HERC3: variants seen among roughly 807,000 people sequenced by gnomAD.
HERC3 encodes probable E3 ubiquitin-protein ligase HERC3.
A neutral mutation model predicts 129.9 loss-of-function variants in HERC3; 58 were observed. The observed-to-expected ratio is 0.45, with a 90% confidence interval of 0.36 to 0.56. The LOEUF is 0.56. HERC3 is among the 20% of genes least tolerant of loss of function. HERC3 has a pLI of 0.00. For missense variants in HERC3, 835 were observed against 1,244.2 expected, an observed-to-expected ratio of 0.67 and a Z score of 4.95; for synonymous variants, 430 against 451.0, an observed-to-expected ratio of 0.95 and a Z score of 0.59.
At chr4:88,599,458 C>G (rs1722750591) in intron 2 of HERC3, among the ~76,000 whole-genome samples, 1 of 152,004 alleles carries the variant, frequency 6.6e-6, no homozygotes, top group Non-Finnish European at 1.5e-5. Context: ...TTTTCTTGAA[C>G]AATAGTCCTT....
chr4:88,681,410 C>T, intron 21 of HERC3, 85 bp downstream of exon 21: 1 of 1,189,064 alleles, frequency 8.4e-7, no homozygotes, highest in Non-Finnish European at 1.2e-6. Context: ...ACCATCTGTA[C>T]AAATCTGAGT....
upstream of HERC3, among the ~76,000 whole-genome samples, chr4:88,590,286 CG>C (rs1694053138): frequency 6.6e-6 from 1 of 150,996 alleles, no homozygotes; most frequent in Non-Finnish European, 1.5e-5. Context: ...AAACTCCGGG[CG>C]CGGTGGCTCA....
intron 23 of HERC3, chr4:88,690,187 A>G (rs539237412): frequency 6.1e-6 from 6 of 983,716 alleles, no homozygotes; most frequent in African/African-American, 5.2e-5. Context: ...AGTTTCCTTT[A>G]TATAACATTG....
chr4:88,677,482 C>G (rs1044271207), intron 18 of HERC3, among the ~76,000 whole-genome samples: 4 of 152,016 alleles, frequency 2.6e-5, no homozygotes, highest in Admixed American at 6.6e-5. Flanking sequence ...CTGTCTCTTT[C>G]CAGCTCGACT....
chr4:88,556,624 T>G, the HERC3 span, among the ~76,000 whole-genome samples: 2 of 152,168 alleles, frequency 1.3e-5, no homozygotes, highest in Non-Finnish European at 2.9e-5. Context: ...TTACTTGCAC[T>G]CAGTCCTAAT....
the HERC3 span, among the ~76,000 whole-genome samples, chr4:88,536,941 A>C: frequency 2.5e-3 from 387 of 152,360 alleles, 4 homozygotes; most frequent in African/African-American, 8.7e-3. Context: ...TTATAAAAAT[A>C]CGACCAAGAA....
chr4:88,647,945 C>G (rs1728874748), intron 3 of HERC3, among the ~76,000 whole-genome samples: 1 of 151,842 alleles, frequency 6.6e-6, no homozygotes, highest in African/African-American at 2.4e-5. Flanking sequence ...ATATTCTCTA[C>G]CTACCCTCTC....
chr4:88,706,257 T>A (rs1735769638), intron 25 of HERC3, among the ~76,000 whole-genome samples: 1 of 152,212 alleles, frequency 6.6e-6, no homozygotes, highest in South Asian at 2.1e-4. Context: ...TCTGTCTGTC[T>A]CCCTCTCTCT....
chr4:88,531,639 G>A, the HERC3 span, among the ~76,000 whole-genome samples: 4 of 152,024 alleles, frequency 2.6e-5, no homozygotes, highest in African/African-American at 4.8e-5. Flanking sequence ...TGAAGAAGTT[G>A]GAAAACGAAC....
intron 3 of HERC3, among the ~76,000 whole-genome samples, chr4:88,613,172 A>T (rs920474810): frequency 4.6e-5 from 7 of 152,336 alleles, no homozygotes; most frequent in Admixed American, 3.9e-4. Context: ...GCAGTTATTT[A>T]GTGTAATCTA....
the HERC3 span, among the ~76,000 whole-genome samples, chr4:88,576,130 G>T: frequency 2.0e-5 from 3 of 152,036 alleles, no homozygotes; most frequent in African/African-American, 7.2e-5. Flanking sequence ...CTTCAAATTA[G>T]CTCTTGACTC....
intron 19 of HERC3, among the ~76,000 whole-genome samples, chr4:88,679,674 T>C (rs143966978): frequency 0.013 from 2,032 of 152,102 alleles, 44 homozygotes; most frequent in African/African-American, 0.047. Context: ...CCCACCACCA[T>C]GCCAGGCTCA....
chr4:88,666,136 A>C (rs1731024401), intron 12 of HERC3, among the ~76,000 whole-genome samples: 1 of 152,208 alleles, frequency 6.6e-6, no homozygotes. Flanking sequence ...ACATTTGGGA[A>C]GGGCTCTTGG....
chr4:88,590,386 C>T (rs1409647307), upstream of HERC3, among the ~76,000 whole-genome samples: 1 of 152,110 alleles, frequency 6.6e-6, no homozygotes, highest in Admixed American at 6.5e-5. Flanking sequence ...TGGTGAAACC[C>T]CGTCTCTACT....
chr4:88,599,009 G>T (rs1722701009), intron 2 of HERC3, among the ~76,000 whole-genome samples: 1 of 152,166 alleles, frequency 6.6e-6, no homozygotes, highest in Non-Finnish European at 1.5e-5. Context: ...TGTGTATTTT[G>T]AAGGAAAATA....
intron 12 of HERC3, among the ~76,000 whole-genome samples, chr4:88,665,638 A>G (rs1260559977): frequency 6.6e-6 from 1 of 152,146 alleles, no homozygotes; most frequent in African/African-American, 2.4e-5. Flanking sequence ...TTTACCAGCT[A>G]TCTGGGTATT....
chr4:88,591,132 A>G (rs1166443720), upstream of HERC3, among the ~76,000 whole-genome samples: 1 of 151,956 alleles, frequency 6.6e-6, no homozygotes, highest in East Asian at 1.9e-4. Flanking sequence ...ACCTCAAGTG[A>G]TCCACCGGCT....
chr4:88,628,067 G>A (rs1166698561), intron 3 of HERC3, among the ~76,000 whole-genome samples: 2 of 152,132 alleles, frequency 1.3e-5, no homozygotes, highest in African/African-American at 4.8e-5. Flanking sequence ...AGTTGAAGTT[G>A]GATGATAGTA....
chr4:88,540,331 G>A, the HERC3 span, among the ~76,000 whole-genome samples: 1 of 152,098 alleles, frequency 6.6e-6, no homozygotes, highest in African/African-American at 2.4e-5. Context: ...TTGATCAAGT[G>A]GAAGAAAAGA....
Sources: allele counts gnomAD v4.1 joint callset (sites outside exome capture counted in the v4.1 genomes callset), GRCh38; gene constraint gnomAD v4.1.1; transcripts MANE v1.5; gene names NCBI Gene and HGNC (gene_info 2026-07-23, HGNC 2026-07-21).